DCAF10: variants seen among roughly 807,000 people sequenced by gnomAD.
DCAF10 encodes DDB1- and CUL4-associated factor 10.
A neutral mutation model predicts 51.9 loss-of-function variants in DCAF10; 19 were observed. The observed-to-expected ratio is 0.37, with a 90% CI of 0.26 to 0.54. The LOEUF (loss-of-function observed/expected upper bound fraction) is 0.54. Among genes scored for constraint, DCAF10 ranks in the 20% least tolerant of loss-of-function variants. The probability of loss-of-function intolerance (pLI) is 0.87; values close to 1 mark genes in which losing one functional copy is unlikely to be tolerated. For synonymous variants in DCAF10, 291 were observed against 297.1 expected, an observed-to-expected ratio of 0.98 and a Z score of 0.21; for missense variants, 510 against 730.6, an observed-to-expected ratio of 0.70 and a Z score of 3.48.
intron 3 of DCAF10, among the ~76,000 whole-genome samples, chr9:37,854,525 C>G (rs1830788260): frequency 6.6e-6 from 1 of 152,082 alleles, no homozygotes; most frequent in Non-Finnish European, 1.5e-5. Context: ...CTTATCATTC[C>G]TTTGTGGTAA....
At chr9:37,820,046 A>G (rs953379875) in intron 2 of DCAF10, among the ~76,000 whole-genome samples, 15 of 152,258 alleles carry the variant, frequency 9.9e-5, no homozygotes, top group Admixed American at 7.8e-4. Context: ...AAATTCTAAC[A>G]GTAGTTAAAA....
intron 1 of DCAF10, among the ~76,000 whole-genome samples, chr9:37,807,297 T>C (rs569585378): frequency 1.8e-4 from 27 of 152,124 alleles, no homozygotes; most frequent in Non-Finnish European, 3.8e-4. Context: ...TGGGGCAACA[T>C]AGGGAGACCT....
chr9:37,836,316 A>G, intron 2 of DCAF10: 3 of 1,608,060 alleles, frequency 1.9e-6, no homozygotes, highest in Non-Finnish European at 2.6e-6. Flanking sequence ...AGTAACAAAG[A>G]CACAATTAGA....
intron 1 of DCAF10, among the ~76,000 whole-genome samples, chr9:37,814,295 C>G (rs1405172889): frequency 1.4e-5 from 2 of 143,318 alleles, no homozygotes; most frequent in South Asian, 4.4e-4. Context: ...TGTGCCACCA[C>G]GCCGGCTTTT....
chr9:37,847,354 A>G (rs1407635262), intron 3 of DCAF10, among the ~76,000 whole-genome samples: 1 of 151,838 alleles, frequency 6.6e-6, no homozygotes, highest in African/African-American at 2.4e-5. Context: ...ATCTAACAAT[A>G]TATATAAACA....
At chr9:37,854,045 TTAACA>T (rs1267333938) in intron 3 of DCAF10, among the ~76,000 whole-genome samples, 1 of 152,154 alleles carries the variant, frequency 6.6e-6, no homozygotes, top group East Asian at 1.9e-4. Flanking sequence ...ATAATAATTA[TTAACA>T]TAAAAAGTAA....
chr9:37,807,658 C>CTTTTTTTTTTT (rs5897701), intron 1 of DCAF10, among the ~76,000 whole-genome samples: 7 of 72,552 alleles, frequency 9.6e-5, no homozygotes, highest in Admixed American at 1.8e-4. Context: ...CTTTTCTTTT[C>CTTTTTTTTTTT]TTTTTTTTTT....
chr9:37,839,141 G>A (rs964276084), intron 2 of DCAF10, among the ~76,000 whole-genome samples: 1 of 151,392 alleles, frequency 6.6e-6, no homozygotes, highest in Non-Finnish European at 1.5e-5. Context: ...TGCAACATCC[G>A]CCTCCCGGGT....
chr9:37,851,753 C>G (rs1360631441), intron 3 of DCAF10, among the ~76,000 whole-genome samples: 1 of 150,888 alleles, frequency 6.6e-6, no homozygotes, highest in East Asian at 2.0e-4. Flanking sequence ...CAAGATCATG[C>G]CACTGCATTG....
At chr9:37,828,623 G>A (rs1368615946) in intron 2 of DCAF10, among the ~76,000 whole-genome samples, 7 of 152,282 alleles carry the variant, frequency 4.6e-5, no homozygotes, top group African/African-American at 7.2e-5. Context: ...CAGCAAGAGC[G>A]AGGCATGGTG....
At chr9:37,859,908 G>A (rs567824089) in intron 5 of DCAF10, 140 bp from the exon 6 acceptor site, 37 of 986,854 alleles carry the variant, frequency 3.7e-5, no homozygotes, top group Admixed American at 1.2e-4. Context: ...GGAGTACCAC[G>A]CTCTTTAACA....
intron 3 of DCAF10, among the ~76,000 whole-genome samples, chr9:37,852,904 T>C: frequency 6.8e-6 from 1 of 146,830 alleles, no homozygotes; most frequent in East Asian, 2.1e-4. Context: ...TTAAGTGTTA[T>C]CATCATAAAT....
chr9:37,802,485 G>A (rs1828984548), intron 1 of DCAF10, among the ~76,000 whole-genome samples: 1 of 152,158 alleles, frequency 6.6e-6, no homozygotes, highest in Non-Finnish European at 1.5e-5. Flanking sequence ...AAGTATTTCA[G>A]ATGGAGATGA....
intron 2 of DCAF10, among the ~76,000 whole-genome samples, chr9:37,822,771 C>T (rs1325241714): frequency 6.6e-6 from 1 of 152,018 alleles, no homozygotes; most frequent in African/African-American, 2.4e-5. Flanking sequence ...CGAATACCAC[C>T]TGTATTCCAA....
chr9:37,861,069 T>C lies in DCAF10; in HGVS notation c.1312-71T>C. ...GGCTTTGGCAATCTGTTGAGCTTTTTAAAAATAAGGAATATCTGTAGCACT... is the reference window on the plus strand; with the variant it reads ...GGCTTTGGCAATCTGTTGAGCTTTTCAAAAATAAGGAATATCTGTAGCACT... On this transcript the variant is annotated intron_variant, in intron 6 of 6. Transcript: ENST00000377724. The surrounding 1 kb of genome is among the most constrained non-coding windows in gnomAD (Gnocchi z 4.9). The C allele has an allele frequency of 2.0e-6, 3 of 1,506,468 alleles. No homozygotes were observed. Among genetic ancestry groups the C allele is most frequent in the Non-Finnish European group, 1.8e-6 (2 of 1,130,960 alleles). 93.3% of individuals were successfully genotyped at this position (1,506,468 alleles called of 1,614,324 possible).
At chr9:37,857,085 C>G (rs1830869629) in intron 4 of DCAF10, among the ~76,000 whole-genome samples, 156 bp from the exon 5 acceptor site, 1 of 152,134 alleles carries the variant, frequency 6.6e-6, no homozygotes, top group African/African-American at 2.4e-5. Context: ...TAGAACACTT[C>G]AAAGAGCTGT....
rs1303199436 is a variant in DCAF10 at position 37,829,917 on chromosome 9, T to C, written c.653+10516T>C. On this transcript the variant is annotated intron_variant, in intron 2 of 6. Coordinates refer to ENST00000377724, the MANE Select transcript of DCAF10 (RefSeq NM_024345.5). This position sits in a 1 kb window ranked among gnomAD's most constrained non-coding sequence, Gnocchi z 4.2. ...AGCTACTTAGAAAGCTTAGGAGGAA[T>C]GCTTGAGCCCAGGAGTTTGAGGCTG... Among the ~76,000 whole-genome samples the C allele has an allele frequency of 1.3e-5, 2 of 152,048 alleles. No individual in the cohort carries two copies. The highest frequency in any genetic ancestry group is 2.9e-5 in the Non-Finnish European group (2 of 68,016).
At position 37,819,188 on chromosome 9, in the gene DCAF10, A is replaced by G. The variant is rs189449475; in HGVS notation, c.540-100A>G. 928 of 893,258 alleles carry G rather than the reference A, an allele frequency of 1.0e-3. 4 individuals are homozygous for G. Among genetic ancestry groups the G allele is most frequent in the Non-Finnish European group, 1.5e-3 (884 of 588,386 alleles). The allele number at this position is 893,258 out of a possible 1,614,324, so 55.3% of individuals were successfully genotyped here. ...TGCTACTAACATGGGCAAAAAAAAA[A>G]AGTTATTTACCTATAGCTTGTGTAA... On this transcript the variant is annotated intron_variant, in intron 1 of 6. Transcript: ENST00000377724.
At chr9:37,817,745 A>T (rs1829585499) in intron 1 of DCAF10, among the ~76,000 whole-genome samples, 5 of 152,124 alleles carry the variant, frequency 3.3e-5, no homozygotes, top group Admixed American at 3.3e-4. Flanking sequence ...CACCAAAAAA[A>T]AAAGTCTCCC....
Sources: gnomAD v4.1 joint callset for allele counts (sites outside exome capture counted in the v4.1 genomes callset) on GRCh38, gnomAD v4.1.1 for gene constraint, Gnocchi (gnomAD v3.1) non-coding constraint, MANE v1.5 for transcripts, NCBI Gene and HGNC (gene_info 2026-07-23, HGNC 2026-07-21) for gene names.